CDH15: variants seen among roughly 807,000 people sequenced by gnomAD.
The protein encoded by CDH15 is cadherin-15.
A neutral mutation model predicts 69.4 loss-of-function variants in CDH15; 73 were observed. That is an observed-to-expected ratio of 1.05 (90% CI 0.87 to 1.28). The LOEUF (loss-of-function observed/expected upper bound fraction) is 1.28. Among genes scored for constraint, CDH15 ranks in the 50% most tolerant of loss-of-function variants. The pLI, the probability that CDH15 is intolerant of heterozygous loss-of-function variation, is 0.00. For synonymous variants in CDH15, 624 were observed against 507.7 expected, an observed-to-expected ratio of 1.23 and a Z score of -3.08; for missense variants, 1,343 against 1,133.6, an observed-to-expected ratio of 1.18 and a Z score of -2.65.
rs966665279 is a variant in CDH15, at chr16:89,191,964, CG to C, written c.1615+75del. 4.2e-6 allele frequency: 6 copies of C among 1,434,078 alleles called. No homozygotes were observed. The African/African-American group carries it at 5.6e-5, about 13-fold the overall frequency. 88.8% of individuals were successfully genotyped at this position (1,434,078 alleles called of 1,614,324 possible). On this transcript the variant is annotated intron_variant, in intron 10 of 13. Coordinates refer to ENST00000289746, the MANE Select transcript of CDH15 (RefSeq NM_004933.3). ...CCCACCCCCACATTCCGGCCTCGGA[CG>C]GGGGCAGGAGGGTGAGGGGCATGCA...
chr16:89,189,028 C>T lies in CDH15; in HGVS notation c.978+743C>T, dbSNP rs1177113736. ...ATGCCCACACACAGGTGCCCACACA[C>T]AGATGTTGGCACACACAGGTGCCCA... On this transcript the variant is annotated intron_variant, in intron 7 of 13. Coordinates refer to ENST00000289746, the MANE Select transcript of CDH15 (RefSeq NM_004933.3). Among the ~76,000 whole-genome samples, 78 of 148,422 alleles carry T rather than the reference C, an allele frequency of 5.3e-4. 1 individual carries two copies. The highest frequency in any genetic ancestry group is 8.2e-4 in the Non-Finnish European group (55 of 67,280).
chr16:89,178,623 C>T lies in CDH15; in HGVS notation c.43-793C>T, dbSNP rs896859155. Among the ~76,000 whole-genome samples, 6 of 152,104 alleles carry T rather than the reference C, an allele frequency of 3.9e-5. 1 individual carries two copies. The highest frequency in any genetic ancestry group is 6.8e-3 in the Middle Eastern group (2 of 292). On this transcript the variant is annotated intron_variant, in intron 1 of 13. Coordinates refer to ENST00000289746, the MANE Select transcript of CDH15 (RefSeq NM_004933.3). ...CAGTCTCAGGAACCCGCACCACCAG[C>T]GTTGGCTGCCCAGCCCTGACGTGTT...
Position 89,191,381 on chromosome 16 carries a change from T to G in CDH15, c.1284T>G (p.Thr428=). ...PEDWLQVDAA[T]GRIQTQHVLS... ...ACTGGCTGCAAGTGGACGCAGCCAC[T>G]GGCCGGATCCAGACCCAGCACGTGC... The change falls in exon 9 of 14, where the codon ACT becomes ACG. Residue 428 remains threonine, a synonymous_variant. Transcript: ENST00000289746. 6.2e-7 allele frequency: 1 copy of G among 1,612,784 alleles called. No homozygotes were observed. The highest frequency in any genetic ancestry group is 8.5e-7 in the Non-Finnish European group (1 of 1,179,988).
In CDH15 at chr16:89,192,358, CG is replaced by C. The variant is rs1199190065; in HGVS notation, c.1774del (p.Ala592ProfsTer87). 3 of 1,537,474 alleles carry C rather than the reference CG, an allele frequency of 2.0e-6. No homozygotes were observed. The highest frequency in any genetic ancestry group is 2.6e-6 in the Non-Finnish European group (3 of 1,148,144). On this transcript the variant is annotated frameshift_variant, in exon 11 of 14. Transcript: ENST00000289746. LOFTEE classifies it high-confidence loss of function. ...CRCGKDGVCLPGAAALLAGGT... is the reference protein window; with the variant it reads ...CRCGKDGVCLXGAAALLAGGT... The stretch of plus-strand genomic sequence containing the variant: ...TGCGGCAAGGACGGCGTCTGCCTGC[CG>C]GGGGCCGCAGCGCTGCTGGCGGGGG...
At chr16:89,175,868 T>C (rs1915245779) in intron 1 of CDH15, among the ~76,000 whole-genome samples, 1 of 152,146 alleles carries the variant, frequency 6.6e-6, no homozygotes, top group Admixed American at 6.5e-5. Flanking sequence ...CAGGAGGCCA[T>C]GGAGGAGGGG....
intron 7 of CDH15, among the ~76,000 whole-genome samples, chr16:89,189,007 C>CGT: frequency 7.1e-6 from 1 of 140,238 alleles, no homozygotes. Flanking sequence ...ACACAGATGC[C>CGT]CACACACAGG....
At chr16:89,193,383 CG>C in intron 11 of CDH15, 86 bp from the exon 12 acceptor site, 2 of 950,480 alleles carry the variant, frequency 2.1e-6, no homozygotes, top group Non-Finnish European at 3.1e-6. Context: ...TGCCCCGCCC[CG>C]CCCCCTCCTC....
rs543001773 is a variant in CDH15, at chr16:89,189,214, C to T, written c.978+929C>T. Among the ~76,000 whole-genome samples the T allele has an allele frequency of 2.5e-3, 378 of 150,542 alleles. 3 individuals carry two copies. Among genetic ancestry groups the T allele is most frequent in the African/African-American group, 8.5e-3 (345 of 40,818 alleles). The stretch of plus-strand genomic sequence containing the variant: ...ACAGATGCCCATACACAGATGCCCA[C>T]GCACAGGTGCCCACACACAGATGCT... On this transcript the variant is annotated intron_variant, in intron 7 of 13. Coordinates refer to ENST00000289746, the MANE Select transcript of CDH15 (RefSeq NM_004933.3).
In CDH15 at chr16:89,185,277, A is replaced by T. The variant is rs1725146797; in HGVS notation, c.607A>T (p.Ser203Cys). Residue 203 changes from serine (S) to cysteine (C), a missense_variant, in exon 5 of 14, where the codon AGC (serine) becomes TGC (cysteine). Coordinates refer to ENST00000289746, the MANE Select transcript of CDH15 (RefSeq NM_004933.3). Reference protein sequence around the residue: ...ILQQGSPELFSIDELTGEIRT... With the variant: ...ILQQGSPELFCIDELTGEIRT... ...GCAGCAGGGCAGCCCCGAGCTCTTC[A>T]GCATCGACGAGCTCACAGGAGAGAT... 6.2e-7 allele frequency: 1 copy of T among 1,606,078 alleles called. No individual in the cohort carries two copies. The highest frequency in any genetic ancestry group is 8.5e-7 in the Non-Finnish European group (1 of 1,176,622).
chr16:89,177,525 AG>A, intron 1 of CDH15, among the ~76,000 whole-genome samples: 1 of 152,026 alleles, frequency 6.6e-6, no homozygotes, highest in East Asian at 1.9e-4. Flanking sequence ...GGCGACCCCC[AG>A]GACTAGGGAG....
At position 89,191,417 on chromosome 16, in the gene CDH15, G is replaced by A. The variant is rs373183010; in HGVS notation, c.1320G>A (p.Ala440=). 9.3e-5 allele frequency: 150 copies of A among 1,612,752 alleles called. No homozygotes were observed. The highest frequency in any genetic ancestry group is 1.2e-4 in the Non-Finnish European group (142 of 1,179,996). The change falls in exon 9 of 14, where the codon GCG becomes GCA. Residue 440 remains alanine (A), a synonymous_variant. Coordinates refer to ENST00000289746, the MANE Select transcript of CDH15 (RefSeq NM_004933.3). ...AGACCCAGCACGTGCTCAGCCCGGCGTCCCCCTTCCTCAAGGGCGGCTGGT... is the reference window on the plus strand; with the variant it reads ...AGACCCAGCACGTGCTCAGCCCGGCATCCCCCTTCCTCAAGGGCGGCTGGT... ...RIQTQHVLSP[A]SPFLKGGWYR... is the part of the protein sequence containing the mutation.
intron 3 of CDH15, among the ~76,000 whole-genome samples, chr16:89,180,872 T>C (rs1316983605): frequency 1.3e-5 from 2 of 151,310 alleles, no homozygotes; most frequent in African/African-American, 2.4e-5. Flanking sequence ...TACAGGCCCC[T>C]GCCACCATGC....
At chr16:89,194,786 C>A in intron 13 of CDH15, 76 bp from the exon 14 acceptor site, 1 of 1,459,888 alleles carries the variant, frequency 6.8e-7, no homozygotes, top group Non-Finnish European at 9.3e-7. Flanking sequence ...GCTGACTTTG[C>A]CCTGGGCTGT....
At chr16:89,192,478 G>A (rs779298552) in intron 11 of CDH15, 34 bp downstream of exon 11, 19 of 1,556,268 alleles carry the variant, frequency 1.2e-5, no homozygotes, top group Non-Finnish European at 1.6e-5. Context: ...CTGGACCCTC[G>A]GACCCTCGGA....
intron 7 of CDH15, among the ~76,000 whole-genome samples, chr16:89,188,926 CCACA>C (rs755733613): frequency 1.4e-5 from 2 of 144,350 alleles, no homozygotes; most frequent in African/African-American, 5.2e-5. Context: ...ACACAGGTGC[CCACA>C]CACAGATGCC....
At chr16:89,187,320 TG>T in intron 5 of CDH15, 108 bp from the exon 6 acceptor site, 1 of 1,331,558 alleles carries the variant, frequency 7.5e-7, no homozygotes, top group Middle Eastern at 2.1e-4. Context: ...ACCCACTGGG[TG>T]CTCCCGTAGG....
At position 89,195,297 on chromosome 16, in the gene CDH15, A is replaced by G; in HGVS notation, c.*142A>G. On this transcript the variant is annotated 3_prime_UTR_variant, in exon 14 of 14. Coordinates refer to ENST00000289746, the MANE Select transcript of CDH15 (RefSeq NM_004933.3). Reference sequence around the variant, plus strand: ...TAGGCGAGGGCCCAAGTCTGGGGGCAGAACCTGAGTGTGGATGGGGCGGCC... The same window carrying G: ...TAGGCGAGGGCCCAAGTCTGGGGGCGGAACCTGAGTGTGGATGGGGCGGCC... The G allele has an allele frequency of 3.4e-6, 3 of 871,544 alleles. No individual in the cohort carries two copies. Among genetic ancestry groups the G allele is most frequent in the Non-Finnish European group, 5.1e-6 (3 of 586,690 alleles). The allele number at this position is 871,544 out of a possible 1,614,324, so 54.0% of individuals were successfully genotyped here. A position where few individuals can be genotyped will look rare whatever the true frequency, so the allele number is the denominator to read the frequency against.
At chr16:89,192,162 G>T in intron 10 of CDH15, 43 bp from the exon 11 acceptor site, 1 of 1,487,100 alleles carries the variant, frequency 6.7e-7, no homozygotes, top group Non-Finnish European at 8.9e-7. Context: ...CGAAGTGGGG[G>T]CGGCCTCGGG....
intron 9 of CDH15, 37 bp downstream of exon 9, chr16:89,191,509 G>C (rs1353240949): frequency 1.2e-6 from 2 of 1,608,056 alleles, no homozygotes; most frequent in Non-Finnish European, 1.7e-6. Flanking sequence ...CCCTGACCTG[G>C]CCTTGTCCCG....
Sources: gnomAD v4.1 joint callset for allele counts (sites outside exome capture counted in the v4.1 genomes callset) on GRCh38, gnomAD v4.1.1 for gene constraint, MANE v1.5 for transcripts, NCBI Gene and HGNC (gene_info 2026-07-23, HGNC 2026-07-21) for gene names.